Variants in GRM5 observed in about 807,000 individuals in gnomAD.
GRM5 encodes the protein metabotropic glutamate receptor 5.
GRM5 carries 19 observed loss-of-function variants against 83.1 expected under a neutral mutation model. That is an observed-to-expected ratio of 0.23 (90% CI 0.16 to 0.34). The LOEUF (loss-of-function observed/expected upper bound fraction) is 0.34, where lower values mean the gene tolerates loss of function less well. GRM5 is among the 10% of genes least tolerant of loss of function. GRM5 has a pLI of 1.00. For missense variants in GRM5, 1,160 were observed against 1,588.3 expected (o/e 0.73, Z 4.58); for synonymous variants, 675 against 633.6 (o/e 1.07, Z -0.98).
chr11:88,978,509 A>C (rs1191236394), intron 2 of GRM5, among the ~76,000 whole-genome samples: 4 of 117,034 alleles, frequency 3.4e-5, no homozygotes, highest in Admixed American at 9.0e-5. Flanking sequence ...AAAAAAAAAA[A>C]AAAAAAACCT....
chr11:88,838,577 G>C (rs973157763), intron 3 of GRM5, among the ~76,000 whole-genome samples: 1 of 152,084 alleles, frequency 6.6e-6, no homozygotes, highest in African/African-American at 2.4e-5. Flanking sequence ...ATGACTTCTT[G>C]CTGGTATTTA....
At chr11:89,045,448 A>G (rs953252323) in intron 2 of GRM5, among the ~76,000 whole-genome samples, 3 of 152,182 alleles carry the variant, frequency 2.0e-5, no homozygotes, top group African/African-American at 7.2e-5. Context: ...AAAAAATAAA[A>G]TGTTATATAT....
rs374235336 is a variant in GRM5 at position 88,954,851 on chromosome 11, A to T, written c.661+92361T>A. ...TAAAGCCTGGTGGTAGGCATGGTAC[A>T]TTGTGGAACAGGTGCTCGGATGGGT... On this transcript the variant is annotated intron_variant, in intron 2 of 9. Transcript: ENST00000305447. Among the ~76,000 whole-genome samples the T allele has an allele frequency of 5.9e-5, 9 of 152,178 alleles. 1 individual carries two copies. The highest frequency in any genetic ancestry group is 1.9e-4 in the East Asian group (1 of 5,204).
At chr11:88,986,671 G>C (rs1373866552) in intron 2 of GRM5, among the ~76,000 whole-genome samples, 4 of 125,426 alleles carry the variant, frequency 3.2e-5, no homozygotes, top group Admixed American at 8.2e-5. Flanking sequence ...TTTGTTGCTT[G>C]TTTCCTTTGC....
chr11:88,534,065 G>C (rs770734403), intron 8 of GRM5, among the ~76,000 whole-genome samples: 2 of 152,214 alleles, frequency 1.3e-5, no homozygotes, highest in Admixed American at 1.3e-4. Flanking sequence ...GATTTCAGAA[G>C]ATGTATGAAA....
intron 9 of GRM5, chr11:88,512,349 G>A (rs1376123097): frequency 6.5e-6 from 1 of 154,340 alleles, no homozygotes; most frequent in East Asian, 1.9e-4. Context: ...GAGTCCAAAT[G>A]TGAGTACTTC....
At chr11:88,514,465 A>C (rs1941470828) in intron 9 of GRM5, among the ~76,000 whole-genome samples, 1 of 152,088 alleles carries the variant, frequency 6.6e-6, no homozygotes, top group African/African-American at 2.4e-5. Context: ...CAGTTTCTCT[A>C]TTCCTCTGCT....
intron 3 of GRM5, among the ~76,000 whole-genome samples, chr11:88,747,798 T>G (rs1177334079): frequency 6.9e-6 from 1 of 144,796 alleles, no homozygotes; most frequent in African/African-American, 2.4e-5. Context: ...TCAACCACCT[T>G]CTGCTTAGAA....
chr11:88,941,883 G>T (rs1938126094), intron 2 of GRM5, among the ~76,000 whole-genome samples: 1 of 151,878 alleles, frequency 6.6e-6, no homozygotes, highest in Non-Finnish European at 1.5e-5. Context: ...TAGAAGATAG[G>T]CCTTTCTATA....
At chr11:88,779,272 C>CAGCTGTTTG (rs1363971513) in intron 3 of GRM5, among the ~76,000 whole-genome samples, 5 of 152,322 alleles carry the variant, frequency 3.3e-5, no homozygotes, top group African/African-American at 1.2e-4. Flanking sequence ...TAGCCTTTCA[C>CAGCTGTTTG]AGCTGTTTGG....
chr11:88,851,350 C>G (rs2135541664), intron 2 of GRM5, among the ~76,000 whole-genome samples: 1 of 152,212 alleles, frequency 6.6e-6, no homozygotes, highest in South Asian at 2.1e-4. Context: ...ATGTGACTGA[C>G]TTAAAAATCA....
At chr11:88,609,749 C>T (rs1222618171) in intron 4 of GRM5, among the ~76,000 whole-genome samples, 3 of 151,982 alleles carry the variant, frequency 2.0e-5, no homozygotes, top group East Asian at 1.9e-4. Flanking sequence ...AGGTTCTATG[C>T]GTCAATTTTT....
chr11:89,062,803 G>A (rs1305256616), intron 1 of GRM5, among the ~76,000 whole-genome samples: 1 of 152,228 alleles, frequency 6.6e-6, no homozygotes, highest in Non-Finnish European at 1.5e-5. Flanking sequence ...TCGGGCCACC[G>A]GCTAGCCTCC....
At chr11:88,542,849 A>G (rs552078214) in intron 8 of GRM5, among the ~76,000 whole-genome samples, 1 of 152,284 alleles carries the variant, frequency 6.6e-6, no homozygotes, top group South Asian at 2.1e-4. Context: ...CTGGTGGATC[A>G]CCTGAGGTCA....
In GRM5 at chr11:88,777,492, T is replaced by C. The variant is rs529014615; in HGVS notation, c.911+72414A>G. ...CTTTGTTCCATTGCTGGCAAGGAGC[T>C]GCAATCCTTTGGAGAAGGGGCACTC... On this transcript the variant is annotated intron_variant, in intron 3 of 9. Coordinates refer to ENST00000305447, the MANE Select transcript of GRM5 (RefSeq NM_001143831.3). 4.6e-5 allele frequency among the ~76,000 whole-genome samples: 7 copies of C among 152,382 alleles called. No homozygotes were observed. In the South Asian group the frequency reaches 1.4e-3, roughly 32 times the overall value.
chr11:88,690,784 A>G (rs1940763067), intron 3 of GRM5, among the ~76,000 whole-genome samples: 1 of 152,190 alleles, frequency 6.6e-6, no homozygotes, highest in African/African-American at 2.4e-5. Flanking sequence ...AGAGGGGGCC[A>G]TACAAGGTTT....
At chr11:88,684,305 T>A (rs1940566943) in intron 3 of GRM5, among the ~76,000 whole-genome samples, 1 of 152,188 alleles carries the variant, frequency 6.6e-6, no homozygotes, top group Admixed American at 6.5e-5. Context: ...ATATGATTAA[T>A]CTACGCTTAA....
intron 3 of GRM5, among the ~76,000 whole-genome samples, chr11:88,784,418 C>G (rs990315271): frequency 2.0e-5 from 3 of 152,056 alleles, no homozygotes; most frequent in Non-Finnish European, 2.9e-5. Context: ...ACTTCTGTGC[C>G]ACATATTACA....
chr11:88,751,712 G>A (rs1408325312), intron 3 of GRM5, among the ~76,000 whole-genome samples: 1 of 152,124 alleles, frequency 6.6e-6, no homozygotes, highest in African/African-American at 2.4e-5. Flanking sequence ...ATAAAATACT[G>A]GCAGACTGAA....
Sources: allele counts gnomAD v4.1 joint callset (sites outside exome capture counted in the v4.1 genomes callset), GRCh38; gene constraint gnomAD v4.1.1; transcripts MANE v1.5; gene names NCBI Gene and HGNC (gene_info 2026-07-23, HGNC 2026-07-21).